The following CTTNBP2NL variants were observed in gnomAD, a reference collection of about 807,000 sequenced individuals.
CTTNBP2NL encodes the protein CTTNBP2 N-terminal-like protein.
In CTTNBP2NL, 16 loss-of-function variants were observed where a neutral mutation model predicts 32.5. That is an observed-to-expected ratio of 0.49 (90% CI 0.33 to 0.75). The LOEUF is 0.75. Among genes scored for constraint, CTTNBP2NL ranks in the 30% least tolerant of loss-of-function variants. The probability of loss-of-function intolerance (pLI) is 0.02; values close to 1 mark genes in which losing one functional copy is unlikely to be tolerated. For missense variants in CTTNBP2NL, 645 were observed against 756.0 expected (o/e 0.85, Z 1.72); for synonymous variants, 298 against 289.4 (o/e 1.03, Z -0.30).
At chr1:112,442,245 C>T (rs1432533523) in intron 3 of CTTNBP2NL, among the ~76,000 whole-genome samples, 1 of 152,168 alleles carries the variant, frequency 6.6e-6, no homozygotes, top group Non-Finnish European at 1.5e-5. Flanking sequence ...CCTGCCTCAG[C>T]CTCCCAAGTG....
chr1:112,404,316 A>G, intron 1 of CTTNBP2NL, among the ~76,000 whole-genome samples: 1 of 152,246 alleles, frequency 6.6e-6, no homozygotes, highest in East Asian at 1.9e-4. Flanking sequence ...TAGAAGACAA[A>G]ACAACATCAC....
chr1:112,416,419 T>C (rs945614828), intron 3 of CTTNBP2NL, 155 bp downstream of exon 3: 16 of 541,186 alleles, frequency 3.0e-5, no homozygotes, highest in Non-Finnish European at 4.8e-5. Flanking sequence ...CATTGTGTGT[T>C]ATTAGGGACA....
intron 3 of CTTNBP2NL, among the ~76,000 whole-genome samples, chr1:112,433,969 C>T (rs1467077938): frequency 1.3e-5 from 2 of 151,850 alleles, no homozygotes; most frequent in South Asian, 2.1e-4. Flanking sequence ...AACTCCTGGG[C>T]TCAGGCAGTC....
chr1:112,427,661 C>T (rs756752387), intron 3 of CTTNBP2NL, among the ~76,000 whole-genome samples: 2 of 151,980 alleles, frequency 1.3e-5, no homozygotes, highest in Non-Finnish European at 2.9e-5. Flanking sequence ...TTTGGGAGGC[C>T]GAGGCAAGTG....
At chr1:112,432,397 G>C (rs1649595026) in intron 3 of CTTNBP2NL, among the ~76,000 whole-genome samples, 1 of 151,994 alleles carries the variant, frequency 6.6e-6, no homozygotes, top group African/African-American at 2.4e-5. Flanking sequence ...ACTTACTGAT[G>C]ATGGAATTAA....
intron 4 of CTTNBP2NL, among the ~76,000 whole-genome samples, chr1:112,453,595 T>A (rs952836295): frequency 6.6e-6 from 1 of 151,854 alleles, no homozygotes; most frequent in African/African-American, 2.4e-5. Context: ...CTACAAAAAA[T>A]ACTAAAATCA....
chr1:112,461,152 A>G lies in CTTNBP2NL; in HGVS notation c.*3740A>G, dbSNP rs1330702323. The G allele has an allele frequency of 2.0e-5, 3 of 152,160 alleles. No individual in the cohort carries two copies. Among genetic ancestry groups the G allele is most frequent in the African/African-American group, 7.2e-5 (3 of 41,426 alleles). The allele number at this position is 152,160 out of a possible 1,614,324, so 9.4% of individuals were successfully genotyped here. A position where few individuals can be genotyped will look rare whatever the true frequency, so the allele number is the denominator to read the frequency against. ...GCCAATTCATTAGTAAAAATAAAGG[A>G]GGGGAAAGGAGACTGGAGTAGTGGT... On this transcript the variant is annotated 3_prime_UTR_variant, in exon 6 of 6. Transcript: ENST00000271277.
At chr1:112,401,707 C>T (rs941944740) in intron 1 of CTTNBP2NL, among the ~76,000 whole-genome samples, 4 of 152,088 alleles carry the variant, frequency 2.6e-5, no homozygotes, top group Middle Eastern at 3.4e-3. Context: ...ACATGAAAGG[C>T]GGGAGTTTGT....
chr1:112,446,200 A>G (rs1380045327), intron 3 of CTTNBP2NL, among the ~76,000 whole-genome samples: 1 of 32,944 alleles, frequency 3.0e-5, no homozygotes, highest in Non-Finnish European at 1.1e-4. Context: ...AAAAGTGGAA[A>G]AAAAAAAAAA....
chr1:112,459,784 T>C lies in CTTNBP2NL; in HGVS notation c.*2372T>C, dbSNP rs538760751. ...TTAAATGGTAATCTTAAAAGTTGCA[T>C]TGTGCTCTTCCTTTGTTTTGGGATA... On this transcript the variant is annotated 3_prime_UTR_variant, in exon 6 of 6. Coordinates refer to ENST00000271277, the MANE Select transcript of CTTNBP2NL (RefSeq NM_018704.3). 3 of 152,334 alleles carry C rather than the reference T, an allele frequency of 2.0e-5. No individual in the cohort carries two copies. The highest frequency in any genetic ancestry group is 7.2e-5 in the African/African-American group (3 of 41,574). The allele number at this position is 152,334 out of a possible 1,614,324, so 9.4% of individuals were successfully genotyped here.
intron 3 of CTTNBP2NL, among the ~76,000 whole-genome samples, chr1:112,423,311 TTAA>T (rs1471149045): frequency 1.3e-5 from 2 of 152,124 alleles, no homozygotes; most frequent in African/African-American, 4.8e-5. Flanking sequence ...ACTGTTATAG[TTAA>T]TAATAATGTA....
chr1:112,448,916 T>G (rs1186611251), intron 3 of CTTNBP2NL, 26 bp from the exon 4 acceptor site: 4 of 1,354,806 alleles, frequency 3.0e-6, no homozygotes, highest in Non-Finnish European at 4.2e-6. Flanking sequence ...AAAAGCAAGA[T>G]GCTTATTTTT....
chr1:112,423,383 A>G (rs963100094), intron 3 of CTTNBP2NL, among the ~76,000 whole-genome samples: 2 of 152,214 alleles, frequency 1.3e-5, no homozygotes, highest in Admixed American at 6.5e-5. Flanking sequence ...CACAAAAATG[A>G]TAAGTATGTA....
chr1:112,434,738 C>G (rs2483346), intron 3 of CTTNBP2NL, among the ~76,000 whole-genome samples: 73,755 of 152,078 alleles, frequency 0.48, 21,593 homozygotes, highest in South Asian at 0.7. Context: ...AATCTGACCT[C>G]TGTAGCCAAA....
chr1:112,438,454 G>T (rs1649802103), intron 3 of CTTNBP2NL, among the ~76,000 whole-genome samples: 1 of 152,088 alleles, frequency 6.6e-6, no homozygotes, highest in African/African-American at 2.4e-5. Context: ...CTGAGACCAT[G>T]GGGTTTTTCT....
chr1:112,442,003 A>G lies in CTTNBP2NL; in HGVS notation c.100-6939A>G, dbSNP rs867244660. Among the ~76,000 whole-genome samples, 3 of 152,246 alleles carry G rather than the reference A, an allele frequency of 2.0e-5. No individual in the cohort carries two copies. The South Asian group carries it at 6.2e-4, about 31-fold the overall frequency. On this transcript the variant is annotated intron_variant, in intron 3 of 5. Transcript: ENST00000271277. ...CTGGAACAAATGTACCACTTTGGTG[A>G]TGATACTGATAATGGGGGCGGCTGT...
chr1:112,408,615 T>A (rs1019596489), intron 1 of CTTNBP2NL, among the ~76,000 whole-genome samples: 5 of 152,206 alleles, frequency 3.3e-5, no homozygotes, highest in African/African-American at 1.2e-4. Context: ...ATGCATTTTT[T>A]AAAATAGCAG....
intron 3 of CTTNBP2NL, among the ~76,000 whole-genome samples, chr1:112,441,679 C>T (rs1009100863): frequency 5.9e-5 from 9 of 152,164 alleles, no homozygotes; most frequent in Non-Finnish European, 1.2e-4. Flanking sequence ...TGTGAGTGTT[C>T]TACTTACTCT....
chr1:112,454,409 C>T (rs763290150), intron 4 of CTTNBP2NL, 40 bp from the exon 5 acceptor site: 2 of 1,461,254 alleles, frequency 1.4e-6, no homozygotes, highest in African/African-American at 1.4e-5. Context: ...AAATGTGACT[C>T]CTTGATATTT....
Sources: allele counts gnomAD v4.1 joint callset (sites outside exome capture counted in the v4.1 genomes callset), GRCh38; gene constraint gnomAD v4.1.1; transcripts MANE v1.5; gene names NCBI Gene and HGNC (gene_info 2026-07-23, HGNC 2026-07-21).